The following TNKS2 variants were observed in gnomAD, a reference collection of about 807,000 sequenced individuals.
The protein encoded by TNKS2 is tankyrase 2, also known as poly [ADP-ribose] polymerase tankyrase-2.
Under a neutral mutation model 137.6 loss-of-function variants are expected in TNKS2, and 72 were observed. The observed-to-expected ratio is 0.52, with a 90% confidence interval of 0.43 to 0.64. The LOEUF (loss-of-function observed/expected upper bound fraction) is 0.64. TNKS2 is among the 30% of genes least tolerant of loss of function. The pLI is 0.00. For synonymous variants in TNKS2, 516 were observed against 512.1 expected (o/e 1.01, Z -0.10); for missense variants, 1,049 against 1,410.2 (o/e 0.74, Z 4.10).
chr10:91,848,611 G>T lies in TNKS2; in HGVS notation c.2587G>T (p.Ala863Ser). Residue 863 changes from alanine (A) to serine (S), a missense_variant, in exon 19 of 27, where the codon GCT becomes TCT. Coordinates refer to ENST00000371627, the MANE Select transcript of TNKS2 (RefSeq NM_025235.4). ...SVVSSSGTEG[A>S]SSLEKKEVPG... ...AGTTAGTTCAAGTGGAACAGAGGGTGCTTCCAGTTTGGAGAAAAAGGAGGG... is the reference window on the plus strand; with the variant it reads ...AGTTAGTTCAAGTGGAACAGAGGGTTCTTCCAGTTTGGAGAAAAAGGAGGG... The T allele has an allele frequency of 6.2e-7, 1 of 1,614,100 alleles. No individual in the cohort carries two copies. The highest frequency in any genetic ancestry group is 8.5e-7 in the Non-Finnish European group (1 of 1,179,992).
chr10:91,847,976 G>A (rs765242901), intron 18 of TNKS2, among the ~76,000 whole-genome samples: 82 of 152,258 alleles, frequency 5.4e-4, no homozygotes, highest in South Asian at 3.1e-3. Flanking sequence ...TCTCAGTTAT[G>A]TCTTATATTT....
At chr10:91,832,662 A>G (rs547573219) in intron 11 of TNKS2, among the ~76,000 whole-genome samples, 1 of 152,272 alleles carries the variant, frequency 6.6e-6, no homozygotes, top group African/African-American at 2.4e-5. Flanking sequence ...ATCCGATTCC[A>G]TGAATATGAA....
intron 12 of TNKS2, chr10:91,836,570 T>G: frequency 1.1e-6 from 1 of 893,400 alleles, no homozygotes; most frequent in Non-Finnish European, 1.3e-6. Flanking sequence ...CACAGTTAGA[T>G]TTCTGTTTGC....
At chr10:91,828,525 C>A in intron 9 of TNKS2, 119 bp downstream of exon 9, 2 of 1,064,268 alleles carry the variant, frequency 1.9e-6, no homozygotes, top group Non-Finnish European at 2.5e-6. Flanking sequence ...AAATTACTGC[C>A]TATGCAAATA....
chr10:91,807,120 C>T (rs1464255939), intron 1 of TNKS2: 3 of 1,469,634 alleles, frequency 2.0e-6, no homozygotes, highest in Admixed American at 3.5e-5. Flanking sequence ...CCAACACTTT[C>T]TCTAATTCAA....
At chr10:91,827,368 A>C (rs1209566290) in intron 8 of TNKS2, among the ~76,000 whole-genome samples, 165 bp downstream of exon 8, 1 of 152,240 alleles carries the variant, frequency 6.6e-6, no homozygotes, top group Non-Finnish European at 1.5e-5. Context: ...TTTCTACTTA[A>C]GATGCTATGA....
intron 16 of TNKS2, 29 bp downstream of exon 16, chr10:91,842,420 G>A (rs1246121171): frequency 1.9e-6 from 3 of 1,589,988 alleles, no homozygotes; most frequent in Non-Finnish European, 2.6e-6. Context: ...ACAGATTTAG[G>A]CTGGTAATAT....
At chr10:91,803,326 A>C (rs61874697) in intron 1 of TNKS2, among the ~76,000 whole-genome samples, 1 of 152,198 alleles carries the variant, frequency 6.6e-6, no homozygotes, top group Non-Finnish European at 1.5e-5. Context: ...CAGCCTGGGC[A>C]ACAATGGTGA....
intron 13 of TNKS2, among the ~76,000 whole-genome samples, chr10:91,840,233 G>A (rs534894298): frequency 2.0e-5 from 3 of 152,212 alleles, no homozygotes; most frequent in East Asian, 1.9e-4. Flanking sequence ...CCTGCTGCTC[G>A]GGAGGCTGAG....
chr10:91,862,245 C>A, intron 26 of TNKS2, 90 bp downstream of exon 26: 3 of 1,055,350 alleles, frequency 2.8e-6, no homozygotes, highest in Non-Finnish European at 3.8e-6. Flanking sequence ...AGACATATTG[C>A]CTTAACTGGA....
At chr10:91,857,862 A>G (rs778253773) in intron 24 of TNKS2, among the ~76,000 whole-genome samples, 1 of 152,166 alleles carries the variant, frequency 6.6e-6, no homozygotes, top group Admixed American at 6.5e-5. Flanking sequence ...TAAAAATAAG[A>G]CCTGGGAATC....
chr10:91,828,279 A>G lies in TNKS2; in HGVS notation c.983-6A>G, dbSNP rs1845127945. Reference sequence around the variant, plus strand: ...TTATACATGTAAATGCTTTTTCTTCATCTAGATGAATTTAAAGGCCACTCG... The same window carrying G: ...TTATACATGTAAATGCTTTTTCTTCGTCTAGATGAATTTAAAGGCCACTCG... On this transcript the variant is annotated splice_region_variant and splice_polypyrimidine_tract_variant and intron_variant, in intron 8 of 26. Transcript: ENST00000371627. 2 of 1,565,332 alleles carry G rather than the reference A, an allele frequency of 1.3e-6. No homozygotes were observed. Among genetic ancestry groups the G allele is most frequent in the African/African-American group, 1.4e-5 (1 of 71,894 alleles).
chr10:91,821,320 C>T (rs1463628258), intron 6 of TNKS2, among the ~76,000 whole-genome samples: 2 of 152,028 alleles, frequency 1.3e-5, no homozygotes, highest in African/African-American at 4.8e-5. Context: ...GCATGAGCCA[C>T]CACGCCTGGC....
Position 91,855,587 on chromosome 10 carries a change from A to G in TNKS2, c.2914-27A>G, listed in dbSNP as rs749835909. The G allele has an allele frequency of 5.7e-6, 9 of 1,579,568 alleles. No homozygotes were observed. In the South Asian group the frequency reaches 9.0e-5, roughly 16 times the overall value. On this transcript the variant is annotated intron_variant, in intron 22 of 26. Coordinates refer to ENST00000371627, the MANE Select transcript of TNKS2 (RefSeq NM_025235.4). ...GAAAATAACACAAATGCTAATGCACATATATTTCAAACCATTTTTCTGACA... is the reference window on the plus strand; with the variant it reads ...GAAAATAACACAAATGCTAATGCACGTATATTTCAAACCATTTTTCTGACA...
intron 13 of TNKS2, among the ~76,000 whole-genome samples, chr10:91,837,885 T>C (rs750666459): frequency 1.3e-4 from 20 of 152,226 alleles, no homozygotes; most frequent in Non-Finnish European, 2.6e-4. Flanking sequence ...ATTATTCTCA[T>C]TCCCTTAAGT....
At chr10:91,851,121 G>A in intron 20 of TNKS2, 95 bp from the exon 21 acceptor site, 1 of 1,428,174 alleles carries the variant, frequency 7.0e-7, no homozygotes, top group Middle Eastern at 1.8e-4. Context: ...ATAATCTGGA[G>A]TAAATGTGTG....
rs761977170 is a variant in TNKS2 at position 91,845,899 on chromosome 10, C to G, written c.2317C>G (p.Leu773Val). The G allele has an allele frequency of 1.1e-5, 18 of 1,586,058 alleles. No homozygotes were observed. The change falls in exon 18 of 27, where the codon CTT (leucine) becomes GTT (valine). Residue 773 changes from leucine (L) to valine (V), a missense_variant. By Grantham distance (32) the Leu-to-Val change is conservative. Coordinates refer to ENST00000371627, the MANE Select transcript of TNKS2 (RefSeq NM_025235.4). The stretch of plus-strand genomic sequence containing the variant: ...GCTAGCCCATGGAGCTGACCCGACT[C>G]TTAAAAATCAGGAAGGACAAACACC... ...LLLAHGADPT[L>V]KNQEGQTPLD...
chr10:91,863,811 CCTT>C lies in TNKS2; in HGVS notation c.*815_*817del, dbSNP rs771752009. 9.2e-5 allele frequency: 14 copies of C among 152,084 alleles called. No individual in the cohort carries two copies. The highest frequency in any genetic ancestry group is 1.8e-4 in the Non-Finnish European group (12 of 68,006). 9.4% of individuals were successfully genotyped at this position (152,084 alleles called of 1,614,324 possible). A position where few individuals can be genotyped will look rare whatever the true frequency, so the allele number is the denominator to read the frequency against. On this transcript the variant is annotated 3_prime_UTR_variant, in exon 27 of 27. Coordinates refer to ENST00000371627, the MANE Select transcript of TNKS2 (RefSeq NM_025235.4). ...TTCATGTTGGAAAATTTTCTGCAGT[CCTT>C]CTGTGAAAATTAGAGCAAAGTGCTC... is the stretch of plus-strand genomic sequence containing the variant.
chr10:91,812,909 G>A (rs1339267383), intron 1 of TNKS2, 74 bp from the exon 2 acceptor site: 2 of 1,535,352 alleles, frequency 1.3e-6, no homozygotes, highest in African/African-American at 1.4e-5. Context: ...AAACATTTTA[G>A]TATGGATGGT....
Sources: allele counts gnomAD v4.1 joint callset (sites outside exome capture counted in the v4.1 genomes callset), GRCh38; gene constraint gnomAD v4.1.1; transcripts MANE v1.5; gene names NCBI Gene and HGNC (gene_info 2026-07-23, HGNC 2026-07-21).